The following PPP6R3 variants were observed in gnomAD, a reference collection of about 807,000 sequenced individuals.
PPP6R3 encodes serine/threonine-protein phosphatase 6 regulatory subunit 3.
A neutral mutation model predicts 110.7 loss-of-function variants in PPP6R3; 38 were observed. The ratio of observed to expected loss-of-function variants is 0.34; its 90% CI spans 0.26 to 0.45. PPP6R3 has a LOEUF of 0.45. PPP6R3 is among the 20% of genes least tolerant of loss of function. The pLI, the probability that PPP6R3 is intolerant of heterozygous loss-of-function variation, is 1.00. For missense variants in PPP6R3, 870 were observed against 1,062.4 expected (o/e 0.82, Z 2.52); for synonymous variants, 369 against 373.5 (o/e 0.99, Z 0.14).
intron 15 of PPP6R3, chr11:68,587,304 GATAA>G (rs2099581806): frequency 6.6e-6 from 1 of 152,576 alleles, no homozygotes; most frequent in South Asian, 2.1e-4. Flanking sequence ...AGTGATTTTG[GATAA>G]ATAGTCAAAC....
intron 1 of PPP6R3, among the ~76,000 whole-genome samples, chr11:68,463,355 G>GGAAAAAAAAA (rs1591425028): frequency 1.1e-4 from 6 of 54,626 alleles, no homozygotes; most frequent in Middle Eastern, 0.011. Context: ...CTCAGTCTCA[G>GGAAAAAAAAA]AAAAAAAAAA....
chr11:68,601,946 C>G lies in PPP6R3; in HGVS notation c.2276C>G (p.Ala759Gly). Reference sequence around the variant, plus strand: ...ATGGACCCTCTGACTCCCAGTGCGGCTGCCCTGGCAGTGCAGCCAGAAGGT... The same window carrying G: ...ATGGACCCTCTGACTCCCAGTGCGGGTGCCCTGGCAGTGCAGCCAGAAGGT... ...EPMDPLTPSA[A>G]ALAVQPEAAG... The change falls in exon 21 of 24, where the codon GCT (alanine) becomes GGT (glycine). Residue 759 changes from alanine to glycine, a missense_variant. Physicochemically the swap from Ala to Gly is moderately conservative, Grantham distance 60. Coordinates refer to ENST00000393800, the MANE Select transcript of PPP6R3 (RefSeq NM_001164161.2). 6.2e-7 allele frequency: 1 copy of G among 1,613,162 alleles called. No individual in the cohort carries two copies. Among genetic ancestry groups the G allele is most frequent in the South Asian group, 1.1e-5 (1 of 90,794 alleles).
At position 68,615,061 on chromosome 11, in the gene PPP6R3, CACTG is replaced by C. The variant is rs1566270860; in HGVS notation, c.*1949_*1952del. ...AAGGTAACAGTGTCTTGCTTCATCC[CACTG>C]ACTGCTGGGAGAGAGCCTCTGGGAC... On this transcript the variant is annotated 3_prime_UTR_variant, in exon 24 of 24. Coordinates refer to ENST00000393800, the MANE Select transcript of PPP6R3 (RefSeq NM_001164161.2). 1 of 480,180 alleles carries C rather than the reference CACTG, an allele frequency of 2.1e-6. No homozygotes were observed. Among genetic ancestry groups the C allele is most frequent in the East Asian group, 6.2e-5 (1 of 16,254 alleles). The allele number at this position is 480,180 out of a possible 1,614,324, so 29.7% of individuals were successfully genotyped here. A position where few individuals can be genotyped will look rare whatever the true frequency, so the allele number is the denominator to read the frequency against.
At chr11:68,578,956 G>T (rs574151679) in intron 14 of PPP6R3, among the ~76,000 whole-genome samples, 2 of 152,300 alleles carry the variant, frequency 1.3e-5, no homozygotes, top group South Asian at 4.1e-4. Flanking sequence ...AGAGAACATA[G>T]GACATGTTTT....
intron 2 of PPP6R3, among the ~76,000 whole-genome samples, chr11:68,522,876 TA>T (rs1170269600): frequency 6.6e-6 from 1 of 152,312 alleles, no homozygotes; most frequent in Non-Finnish European, 1.5e-5. Context: ...TCATGGAGGC[TA>T]AAAAGTCAGA....
chr11:68,541,030 C>G (rs776178373), intron 3 of PPP6R3, among the ~76,000 whole-genome samples: 30 of 152,132 alleles, frequency 2.0e-4, no homozygotes, highest in African/African-American at 7.0e-4. Flanking sequence ...TAAAGACAGG[C>G]ATAGGAAAGC....
chr11:68,489,230 A>T (rs1325557694), intron 1 of PPP6R3, among the ~76,000 whole-genome samples: 1 of 152,044 alleles, frequency 6.6e-6, no homozygotes, highest in Non-Finnish European at 1.5e-5. Context: ...CATGTTAGCC[A>T]GGATGGTCTC....
chr11:68,547,806 G>A (rs914750945), intron 4 of PPP6R3, among the ~76,000 whole-genome samples: 1 of 152,154 alleles, frequency 6.6e-6, no homozygotes, highest in Admixed American at 6.5e-5. Context: ...TAATGAAAGT[G>A]AATAGAAATA....
intron 1 of PPP6R3, among the ~76,000 whole-genome samples, chr11:68,462,270 C>A (rs1436436853): frequency 6.6e-6 from 1 of 152,058 alleles, no homozygotes; most frequent in Non-Finnish European, 1.5e-5. Context: ...TTGGTGACTG[C>A]CTTTAGAAAG....
chr11:68,520,843 C>T (rs1259210418), intron 2 of PPP6R3, among the ~76,000 whole-genome samples: 1 of 152,142 alleles, frequency 6.6e-6, no homozygotes, highest in Non-Finnish European at 1.5e-5. Context: ...GCGATCTCGG[C>T]TGACTGCAAT....
chr11:68,493,824 C>T (rs1591990941), intron 1 of PPP6R3, among the ~76,000 whole-genome samples: 3 of 151,568 alleles, frequency 2.0e-5, no homozygotes, highest in Admixed American at 6.6e-5. Flanking sequence ...AGTACCCGGC[C>T]AGGCACTGTG....
At chr11:68,536,992 C>A (rs2099274463) in intron 2 of PPP6R3, among the ~76,000 whole-genome samples, 1 of 152,078 alleles carries the variant, frequency 6.6e-6, no homozygotes, top group Non-Finnish European at 1.5e-5. Context: ...CTTTTTTTAG[C>A]TCTATAATTT....
chr11:68,603,289 G>A lies in PPP6R3; in HGVS notation c.2300-53G>A, dbSNP rs1483979135. 1.9e-6 allele frequency: 3 copies of A among 1,603,288 alleles called. No individual in the cohort carries two copies. The African/African-American group carries it at 4.0e-5, about 21-fold the overall frequency. On this transcript the variant is annotated intron_variant, in intron 21 of 23. Coordinates refer to ENST00000393800, the MANE Select transcript of PPP6R3 (RefSeq NM_001164161.2). ...AGATGGGTTTGTACAGTGGTGGGGT[G>A]CCAGTTCCTTTTCGGGCTTGCTGTG...
chr11:68,462,444 C>T (rs1050783883), intron 1 of PPP6R3, among the ~76,000 whole-genome samples: 1 of 152,070 alleles, frequency 6.6e-6, no homozygotes, highest in African/African-American at 2.4e-5. Flanking sequence ...TACAGAAAAG[C>T]CCATCACAAG....
intron 1 of PPP6R3, among the ~76,000 whole-genome samples, chr11:68,475,151 ACAAAG>A (rs1197560910): frequency 1.3e-5 from 2 of 152,144 alleles, no homozygotes. Context: ...TATCTGTTTA[ACAAAG>A]CACATCTTGC....
chr11:68,512,102 C>G (rs150696123), intron 1 of PPP6R3, among the ~76,000 whole-genome samples: 2 of 152,088 alleles, frequency 1.3e-5, no homozygotes, highest in Non-Finnish European at 2.9e-5. Flanking sequence ...TCTGTGTACT[C>G]GTGGTTGATA....
At chr11:68,571,269 A>G in intron 12 of PPP6R3, 165 bp downstream of exon 12, 1 of 1,021,472 alleles carries the variant, frequency 9.8e-7, no homozygotes, top group Non-Finnish European at 1.3e-6. Context: ...TTGTTTTTAT[A>G]ATACTAATAA....
In PPP6R3 at chr11:68,614,527, G is replaced by T. The variant is rs939122847; in HGVS notation, c.*1410G>T. The T allele has an allele frequency of 1.4e-4, 196 of 1,430,702 alleles. No individual in the cohort carries two copies. Among genetic ancestry groups the T allele is most frequent in the Non-Finnish European group, 1.8e-4 (193 of 1,095,242 alleles). The allele number at this position is 1,430,702 out of a possible 1,614,324, so 88.6% of individuals were successfully genotyped here. ...TGAAAAATGGCCAACAATTTTTTTA[G>T]AAGTAGCATCCCAAGCAGCGTGCCT... is the stretch of plus-strand genomic sequence containing the variant. On this transcript the variant is annotated 3_prime_UTR_variant, in exon 24 of 24. Transcript: ENST00000393800.
At chr11:68,564,877 G>A (rs540403681) in intron 9 of PPP6R3, among the ~76,000 whole-genome samples, 1 of 152,124 alleles carries the variant, frequency 6.6e-6, no homozygotes, top group Non-Finnish European at 1.5e-5. Flanking sequence ...TGATTTGGGG[G>A]TTTTTCAGTA....
Sources: gnomAD v4.1 joint callset for allele counts (sites outside exome capture counted in the v4.1 genomes callset) on GRCh38, gnomAD v4.1.1 for gene constraint, MANE v1.5 for transcripts, NCBI Gene and HGNC (gene_info 2026-07-23, HGNC 2026-07-21) for gene names.